The following FER variants were observed in gnomAD, a reference collection of about 807,000 sequenced individuals.
The protein encoded by FER is tyrosine-protein kinase Fer.
FER carries 63 observed loss-of-function variants against 111.0 expected under a neutral mutation model. The observed-to-expected ratio is 0.57, with a 90% CI of 0.46 to 0.70. The LOEUF is 0.70. Ranked by LOEUF, FER falls within the 30% of genes least tolerant of loss-of-function variation. The pLI, the probability that FER is intolerant of heterozygous loss-of-function variation, is 0.00. For missense variants in FER, 914 were observed against 954.0 expected, an observed-to-expected ratio of 0.96 and a Z score of 0.55; for synonymous variants, 327 against 313.9, an observed-to-expected ratio of 1.04 and a Z score of -0.44.
At chr5:109,131,120 A>G (rs1752312263) in intron 17 of FER, among the ~76,000 whole-genome samples, 1 of 152,132 alleles carries the variant, frequency 6.6e-6, no homozygotes, top group African/African-American at 2.4e-5. Flanking sequence ...ACTTCAAAGA[A>G]CTTTTTTCTG....
At chr5:109,138,542 C>T (rs991202002) in intron 17 of FER, among the ~76,000 whole-genome samples, 2 of 152,132 alleles carry the variant, frequency 1.3e-5, no homozygotes, top group Admixed American at 6.5e-5. Context: ...AATTCAAGAC[C>T]TTAATGTCAG....
rs1759148910 is a variant in FER at position 109,188,751 on chromosome 5, A to AAACT, written c.*1177_*1180dup. 6.6e-6 allele frequency: 1 copy of AAACT among 152,198 alleles called. No individual in the cohort carries two copies. The highest frequency in any genetic ancestry group is 2.4e-5 in the African/African-American group (1 of 41,456). 9.4% of individuals were successfully genotyped at this position (152,198 alleles called of 1,614,324 possible). A position where few individuals can be genotyped will look rare whatever the true frequency, so the allele number is the denominator to read the frequency against. On this transcript the variant is annotated 3_prime_UTR_variant, in exon 20 of 20. Transcript: ENST00000281092. ...GTAATGGCAACAAAAATTTTGAGAGAAACTGCAAAGCACAAATCCACAGAA... is the reference window on the plus strand; with the variant it reads ...GTAATGGCAACAAAAATTTTGAGAGAAACTAACTGCAAAGCACAAATCCACAGAA...
At chr5:109,147,160 A>G (rs1300537161) in intron 17 of FER, among the ~76,000 whole-genome samples, 1 of 151,906 alleles carries the variant, frequency 6.6e-6, no homozygotes, top group Non-Finnish European at 1.5e-5. Flanking sequence ...GAACTTATTA[A>G]TATACAAAAA....
intron 5 of FER, among the ~76,000 whole-genome samples, chr5:108,864,277 T>A (rs1763813355): frequency 1.3e-5 from 2 of 152,120 alleles, no homozygotes; most frequent in Non-Finnish European, 2.9e-5. Flanking sequence ...GCCAGAAGGT[T>A]TGTTTCTGTT....
chr5:109,179,269 T>C (rs1758025756), intron 17 of FER, among the ~76,000 whole-genome samples: 1 of 152,350 alleles, frequency 6.6e-6, no homozygotes, highest in African/African-American at 2.4e-5. Context: ...AAAACAGGTA[T>C]CCTTGCTTTG....
intron 11 of FER, among the ~76,000 whole-genome samples, chr5:108,953,165 TATC>T (rs1757990620): frequency 6.6e-6 from 1 of 152,004 alleles, no homozygotes; most frequent in Non-Finnish European, 1.5e-5. Context: ...AAATTATTAG[TATC>T]AGTATATACA....
chr5:108,975,628 A>T (rs535398245), intron 13 of FER, among the ~76,000 whole-genome samples: 3 of 152,096 alleles, frequency 2.0e-5, no homozygotes, highest in Admixed American at 2.0e-4. Flanking sequence ...TTTTCTACGG[A>T]TAATTATGGC....
At chr5:109,053,382 CAA>C (rs779550084) in intron 16 of FER, among the ~76,000 whole-genome samples, 8 of 80,222 alleles carry the variant, frequency 1.0e-4, no homozygotes, top group East Asian at 5.4e-4. Flanking sequence ...GACTCCGTCT[CAA>C]AAAAAAAAAA....
intron 5 of FER, among the ~76,000 whole-genome samples, chr5:108,844,611 G>A (rs544335104): frequency 6.6e-6 from 1 of 151,954 alleles, no homozygotes; most frequent in Non-Finnish European, 1.5e-5. Flanking sequence ...TTTCACCCCT[G>A]AAAAATTCCT....
rs1052733897 is a variant in FER at position 108,748,808 on chromosome 5, G to C, written c.-206+808G>C. Among the ~76,000 whole-genome samples, 4 of 152,202 alleles carry C rather than the reference G, an allele frequency of 2.6e-5. No homozygotes were observed. In the South Asian group the frequency reaches 6.2e-4, roughly 24 times the overall value. ...GTAGTGGAGGAGGGGGCTGAGGGCCGGGCGGCTGCGCCCGCCTTCCGCTCT... is the reference window on the plus strand; with the variant it reads ...GTAGTGGAGGAGGGGGCTGAGGGCCCGGCGGCTGCGCCCGCCTTCCGCTCT... On this transcript the variant is annotated intron_variant, in intron 1 of 19. Coordinates refer to ENST00000281092, the MANE Select transcript of FER (RefSeq NM_005246.4).
At chr5:108,835,214 A>C (rs1580786757) in intron 4 of FER, among the ~76,000 whole-genome samples, 1 of 85,012 alleles carries the variant, frequency 1.2e-5, no homozygotes, top group Non-Finnish European at 2.1e-5. Context: ...TTTTTGAGTC[A>C]AGTTTCAGCC....
At chr5:109,116,235 C>G (rs1417868765) in intron 17 of FER, among the ~76,000 whole-genome samples, 1 of 151,928 alleles carries the variant, frequency 6.6e-6, no homozygotes, top group African/African-American at 2.4e-5. Context: ...AGATGGAAAC[C>G]TGTGAAATGA....
At chr5:108,768,929 A>G (rs1752606650) in intron 2 of FER, among the ~76,000 whole-genome samples, 1 of 151,916 alleles carries the variant, frequency 6.6e-6, no homozygotes, top group South Asian at 2.1e-4. Flanking sequence ...GGTTCAAGCG[A>G]TTCTCCTGCC....
chr5:108,873,445 AG>A (rs1208654059), intron 8 of FER, among the ~76,000 whole-genome samples: 1 of 152,140 alleles, frequency 6.6e-6, no homozygotes, highest in Non-Finnish European at 1.5e-5. Context: ...GTGCCCAGCC[AG>A]GTTTTGGAAT....
chr5:108,780,819 T>C, intron 2 of FER, among the ~76,000 whole-genome samples: 1 of 151,778 alleles, frequency 6.6e-6, no homozygotes, highest in East Asian at 1.9e-4. Context: ...CTGCTCTGTA[T>C]TTTTTCAGTC....
At chr5:108,811,171 G>A (rs1757719205) in intron 3 of FER, among the ~76,000 whole-genome samples, 1 of 151,946 alleles carries the variant, frequency 6.6e-6, no homozygotes, top group Non-Finnish European at 1.5e-5. Context: ...CTGCCTAGGT[G>A]TGAAGTGGAG....
intron 10 of FER, among the ~76,000 whole-genome samples, chr5:108,937,985 A>T (rs992327018): frequency 6.7e-6 from 1 of 148,578 alleles, no homozygotes; most frequent in African/African-American, 2.5e-5. Context: ...TCCTTCCTTT[A>T]TTTCCTACTC....
intron 2 of FER, among the ~76,000 whole-genome samples, chr5:108,788,795 G>A (rs543863493): frequency 6.6e-6 from 1 of 152,064 alleles, no homozygotes; most frequent in South Asian, 2.1e-4. Context: ...CAGCTGAAAC[G>A]ATTATAGTTT....
At chr5:108,784,725 A>G (rs965443518) in intron 2 of FER, among the ~76,000 whole-genome samples, 1 of 152,194 alleles carries the variant, frequency 6.6e-6, no homozygotes, top group Admixed American at 6.5e-5. Context: ...TACGGGAAAC[A>G]AAGGGATGGG....
Sources: gnomAD v4.1 joint callset for allele counts (sites outside exome capture counted in the v4.1 genomes callset) on GRCh38, gnomAD v4.1.1 for gene constraint, MANE v1.5 for transcripts, NCBI Gene and HGNC (gene_info 2026-07-23, HGNC 2026-07-21) for gene names.